AMBRA1: variants seen among roughly 807,000 people sequenced by gnomAD.
AMBRA1 encodes the protein autophagy and beclin 1 regulator 1.
Under a neutral mutation model 125.4 loss-of-function variants are expected in AMBRA1, and 47 were observed. That is an observed-to-expected ratio of 0.37 (90% CI 0.30 to 0.48). The LOEUF is 0.48. Ranked by LOEUF, AMBRA1 falls within the 20% of genes least tolerant of loss-of-function variation. The pLI, the probability that AMBRA1 is intolerant of heterozygous loss-of-function variation, is 0.99. For synonymous variants in AMBRA1, 626 were observed against 655.5 expected (o/e 0.95, Z 0.69); for missense variants, 1,331 against 1,693.4 (o/e 0.79, Z 3.76).
intron 1 of AMBRA1, among the ~76,000 whole-genome samples, chr11:46,554,499 T>C (rs934754923): frequency 6.6e-6 from 1 of 152,148 alleles, no homozygotes; most frequent in African/African-American, 2.4e-5. Context: ...CTAAACACAC[T>C]AACAGCTCAA....
intron 9 of AMBRA1, among the ~76,000 whole-genome samples, chr11:46,501,381 G>C (rs761032442): frequency 3.3e-5 from 5 of 152,238 alleles, no homozygotes; most frequent in Non-Finnish European, 7.3e-5. Flanking sequence ...CCCTGTGACG[G>C]AATGGCATCC....
chr11:46,470,696 G>A (rs927050213), intron 11 of AMBRA1, among the ~76,000 whole-genome samples: 6 of 152,040 alleles, frequency 3.9e-5, no homozygotes, highest in Non-Finnish European at 8.8e-5. Flanking sequence ...CAGGAGTTGG[G>A]TGCTTGCAGT....
chr11:46,432,875 C>T (rs745715696), intron 14 of AMBRA1, among the ~76,000 whole-genome samples: 69 of 152,208 alleles, frequency 4.5e-4, no homozygotes, highest in Non-Finnish European at 8.4e-4. Flanking sequence ...TTCACTCAGG[C>T]ACGTTAGTCT....
intron 1 of AMBRA1, among the ~76,000 whole-genome samples, chr11:46,557,950 C>A (rs541308259): frequency 6.6e-6 from 1 of 152,006 alleles, no homozygotes; most frequent in Non-Finnish European, 1.5e-5. Flanking sequence ...CCAGCCTGGG[C>A]GACTGAGCAA....
chr11:46,447,477 A>G (rs1948349994), intron 11 of AMBRA1, among the ~76,000 whole-genome samples: 1 of 152,052 alleles, frequency 6.6e-6, no homozygotes, highest in Non-Finnish European at 1.5e-5. Flanking sequence ...GGAGGTTGCA[A>G]TGAGATGAGA....
chr11:46,566,021 G>T (rs2043518801), intron 1 of AMBRA1, among the ~76,000 whole-genome samples: 1 of 152,132 alleles, frequency 6.6e-6, no homozygotes, highest in African/African-American at 2.4e-5. Flanking sequence ...AAAGTGCTGG[G>T]AACACAGGTG....
chr11:46,466,792 C>T (rs934309306), intron 11 of AMBRA1, among the ~76,000 whole-genome samples: 1 of 152,162 alleles, frequency 6.6e-6, no homozygotes, highest in East Asian at 1.9e-4. Flanking sequence ...TGGCAGCCTC[C>T]AGCCCCATGA....
intron 14 of AMBRA1, 144 bp downstream of exon 14, chr11:46,433,330 T>C (rs1372403841): frequency 1.0e-6 from 1 of 976,190 alleles, no homozygotes; most frequent in African/African-American, 1.6e-5. Flanking sequence ...TGGTCATGGA[T>C]GGGCTTGACT....
chr11:46,583,677 A>AAAAAAAAAC (rs1565324615), intron 1 of AMBRA1, among the ~76,000 whole-genome samples: 12 of 143,902 alleles, frequency 8.3e-5, no homozygotes, highest in African/African-American at 3.2e-4. Context: ...AAAAAAAAAA[A>AAAAAAAAAC]AACAACAAAA....
At chr11:46,548,624 G>T in intron 1 of AMBRA1, 124 bp from the exon 2 acceptor site, 1 of 477,050 alleles carries the variant, frequency 2.1e-6, no homozygotes. Context: ...TCTCAGAAAA[G>T]ACCCTTCCTC....
At chr11:46,590,132 G>A (rs2044542487) in intron 1 of AMBRA1, among the ~76,000 whole-genome samples, 1 of 151,598 alleles carries the variant, frequency 6.6e-6, no homozygotes, top group South Asian at 2.1e-4. Context: ...CAGCACTTTG[G>A]GAGGCCGAGG....
intron 1 of AMBRA1, among the ~76,000 whole-genome samples, chr11:46,593,393 G>T (rs903177453): frequency 6.6e-6 from 1 of 152,082 alleles, no homozygotes; most frequent in African/African-American, 2.4e-5. Flanking sequence ...GAGCCAGAGG[G>T]CCTTGTTCCA....
chr11:46,561,198 C>T (rs1181777312), intron 1 of AMBRA1, among the ~76,000 whole-genome samples: 2 of 151,868 alleles, frequency 1.3e-5, no homozygotes, highest in Admixed American at 6.6e-5. Flanking sequence ...CTGGCCAACA[C>T]GGTGAAACCC....
intron 7 of AMBRA1, among the ~76,000 whole-genome samples, chr11:46,539,517 A>G (rs1408331105): frequency 2.6e-5 from 4 of 152,130 alleles, no homozygotes; most frequent in Admixed American, 1.3e-4. Flanking sequence ...AGATCACACT[A>G]TTGCACTCTA....
chr11:46,547,734 A>T (rs1204738129), intron 3 of AMBRA1, 83 bp downstream of exon 3: 1 of 1,343,604 alleles, frequency 7.4e-7, no homozygotes, highest in African/African-American at 1.5e-5. Context: ...GACTTTAGGG[A>T]CTGACTTGGA....
chr11:46,539,087 T>G (rs1282302160), intron 7 of AMBRA1, among the ~76,000 whole-genome samples: 3 of 151,720 alleles, frequency 2.0e-5, no homozygotes, highest in Non-Finnish European at 4.4e-5. Flanking sequence ...AATTATCTGA[T>G]ATCTAGGTGC....
chr11:46,587,433 G>A (rs962245419), intron 1 of AMBRA1, among the ~76,000 whole-genome samples: 6 of 152,054 alleles, frequency 3.9e-5, no homozygotes, highest in African/African-American at 1.4e-4. Flanking sequence ...ATATTTATAA[G>A]TCCTAGTTAT....
chr11:46,442,282 A>G (rs1341178055), intron 12 of AMBRA1, among the ~76,000 whole-genome samples: 3 of 151,910 alleles, frequency 2.0e-5, no homozygotes, highest in African/African-American at 7.3e-5. Context: ...AGCTGGGAAA[A>G]CAGGCATGCA....
At chr11:46,530,289 C>T (rs918729018) in intron 7 of AMBRA1, among the ~76,000 whole-genome samples, 5 of 147,480 alleles carry the variant, frequency 3.4e-5, no homozygotes, top group African/African-American at 1.2e-4. Flanking sequence ...ACACAGCACG[C>T]TCTACACCAT....
Sources: gnomAD v4.1 joint callset for allele counts (sites outside exome capture counted in the v4.1 genomes callset) on GRCh38, gnomAD v4.1.1 for gene constraint, MANE v1.5 for transcripts, NCBI Gene and HGNC (gene_info 2026-07-23, HGNC 2026-07-21) for gene names.